Variants in ME3 observed in about 807,000 individuals in gnomAD.
The protein encoded by ME3 is malic enzyme 3.
ME3 carries 48 observed loss-of-function variants against 68.9 expected under a neutral mutation model. That is an observed-to-expected ratio of 0.70 (90% CI 0.55 to 0.89). The LOEUF is 0.89. Ranked by LOEUF, ME3 falls within the 40% of genes least tolerant of loss-of-function variation. ME3 has a pLI of 0.00. For missense variants in ME3, 675 were observed against 797.4 expected (o/e 0.85, Z 1.85); for synonymous variants, 320 against 318.8 (o/e 1.00, Z -0.04).
chr11:86,671,918 C>G (rs766883401), exon 2 of ME3: 9 of 1,439,730 alleles, frequency 6.3e-6, no homozygotes, highest in Non-Finnish European at 8.2e-6. Flanking sequence ...GAGCCAGCCG[C>G]GTGCCTGTCC....
intron 8 of ME3, among the ~76,000 whole-genome samples, chr11:86,461,953 G>T (rs2138708957): frequency 6.6e-6 from 1 of 152,282 alleles, no homozygotes; most frequent in Non-Finnish European, 1.5e-5. Flanking sequence ...CTTTGCTCTG[G>T]GACCCAGAAA....
At chr11:86,557,979 C>T (rs180686799) in intron 3 of ME3, among the ~76,000 whole-genome samples, 31 of 152,162 alleles carry the variant, frequency 2.0e-4, no homozygotes, top group Admixed American at 7.8e-4. Context: ...GTTTTCTTAG[C>T]GTGTCCCCAA....
chr11:86,659,146 A>G (rs1380902784), intron 2 of ME3, among the ~76,000 whole-genome samples: 1 of 152,238 alleles, frequency 6.6e-6, no homozygotes, highest in Non-Finnish European at 1.5e-5. Context: ...GAACTCACAC[A>G]GTCATCAGAA....
intron 2 of ME3, among the ~76,000 whole-genome samples, chr11:86,629,166 C>T (rs1316195146): frequency 6.6e-6 from 1 of 152,164 alleles, no homozygotes; most frequent in African/African-American, 2.4e-5. Context: ...GAAACTGGAG[C>T]CCTGCTATCT....
intron 7 of ME3, among the ~76,000 whole-genome samples, chr11:86,483,253 G>A (rs76995203): frequency 0.035 from 5,270 of 152,238 alleles, 202 homozygotes; most frequent in African/African-American, 0.095. Flanking sequence ...GAGGAGAGAT[G>A]GAATGGGAGG....
At chr11:86,468,835 G>A (rs947174439) in intron 7 of ME3, among the ~76,000 whole-genome samples, 1 of 151,954 alleles carries the variant, frequency 6.6e-6, no homozygotes. Flanking sequence ...TTACCTGCTG[G>A]GCACCGTGCT....
chr11:86,445,268 T>C (rs1448445100), intron 13 of ME3, among the ~76,000 whole-genome samples: 1 of 152,146 alleles, frequency 6.6e-6, no homozygotes. Context: ...TGCGTGGGGC[T>C]GGGGGAAGCT....
intron 2 of ME3, among the ~76,000 whole-genome samples, chr11:86,598,447 A>C (rs1487347810): frequency 5.9e-5 from 9 of 152,252 alleles, no homozygotes; most frequent in Non-Finnish European, 1.2e-4. Context: ...AGCAGCCAGG[A>C]AGCTCAAACT....
intron 2 of ME3, among the ~76,000 whole-genome samples, chr11:86,621,191 A>C (rs956866600): frequency 1.7e-4 from 26 of 152,228 alleles, no homozygotes; most frequent in Non-Finnish European, 3.5e-4. Flanking sequence ...ACTGTTTGCC[A>C]ACTTGAAATA....
intron 6 of ME3, among the ~76,000 whole-genome samples, chr11:86,491,982 G>A (rs895423433): frequency 2.0e-5 from 3 of 152,166 alleles, no homozygotes; most frequent in Admixed American, 6.5e-5. Flanking sequence ...TGGAGGCAAC[G>A]TGCCGCAGGG....
chr11:86,666,527 A>C (rs571144674), intron 2 of ME3, among the ~76,000 whole-genome samples: 1 of 152,358 alleles, frequency 6.6e-6, no homozygotes, highest in East Asian at 1.9e-4. Context: ...CTAAAAACAA[A>C]GCCCCAATAC....
intron 2 of ME3, among the ~76,000 whole-genome samples, chr11:86,578,105 C>A (rs978778240): frequency 1.3e-5 from 2 of 152,176 alleles, no homozygotes; most frequent in Non-Finnish European, 2.9e-5. Context: ...AACAAGGGAA[C>A]AGAGGTGGAT....
intron 2 of ME3, among the ~76,000 whole-genome samples, chr11:86,639,871 C>A (rs566530177): frequency 9.8e-5 from 15 of 152,306 alleles, no homozygotes; most frequent in African/African-American, 3.4e-4. Flanking sequence ...CACAGTCTTC[C>A]AACTACGTTT....
intron 2 of ME3, among the ~76,000 whole-genome samples, chr11:86,560,702 ATATGTGTGTG>A (rs1957163830): frequency 3.7e-5 from 2 of 54,534 alleles, no homozygotes; most frequent in South Asian, 7.4e-4. Flanking sequence ...GTATATAATG[ATATGTGTGTG>A]TGTGTGTGTG....
intron 8 of ME3, among the ~76,000 whole-genome samples, chr11:86,452,430 A>G (rs754438088): frequency 9.2e-5 from 14 of 152,136 alleles, no homozygotes; most frequent in African/African-American, 4.8e-5. Flanking sequence ...TCATATTTCT[A>G]TGCTCAATAG....
intron 7 of ME3, among the ~76,000 whole-genome samples, chr11:86,482,422 G>A (rs1951464910): frequency 6.6e-6 from 1 of 151,994 alleles, no homozygotes; most frequent in African/African-American, 2.4e-5. Context: ...CTGCTTATCT[G>A]TGTAACTGAG....
rs908830824 is a variant in ME3, at chr11:86,645,877, C to A, written c.183+25885G>T. On this transcript the variant is annotated intron_variant, in intron 2 of 14. Coordinates refer to ENST00000543262, the Ensembl canonical transcript of ME3. ...GGAACAGGCAGCAATCTTCACTGTT[C>A]TGCAGCATCTGCTGGTGATATCCAG... Among the ~76,000 whole-genome samples, 7 of 152,230 alleles carry A rather than the reference C, an allele frequency of 4.6e-5. 1 individual carries two copies. Among genetic ancestry groups the A allele is most frequent in the Admixed American group, 2.6e-4 (4 of 15,288 alleles).
At chr11:86,655,206 C>A (rs1037860642) in intron 2 of ME3, among the ~76,000 whole-genome samples, 9 of 152,184 alleles carry the variant, frequency 5.9e-5, no homozygotes, top group Non-Finnish European at 1.3e-4. Flanking sequence ...CTATCCCCAT[C>A]AAGCTACCAA....
At chr11:86,608,316 A>G (rs1354051946) in intron 2 of ME3, among the ~76,000 whole-genome samples, 1 of 152,152 alleles carries the variant, frequency 6.6e-6, no homozygotes, top group African/African-American at 2.4e-5. Context: ...TTAATTTAGA[A>G]AAAATTACTA....
Sources: gnomAD v4.1 joint callset for allele counts (sites outside exome capture counted in the v4.1 genomes callset) on GRCh38, gnomAD v4.1.1 for gene constraint, MANE v1.5 for transcripts, NCBI Gene and HGNC (gene_info 2026-07-23, HGNC 2026-07-21) for gene names.